VPS13B: variants seen among roughly 807,000 people sequenced by gnomAD.
VPS13B encodes intermembrane lipid transfer protein VPS13B.
A neutral mutation model predicts 426.4 loss-of-function variants in VPS13B; 285 were observed. The ratio of observed to expected loss-of-function variants is 0.67; its 90% CI spans 0.61 to 0.74. VPS13B has a LOEUF of 0.74. VPS13B is among the 30% of genes least tolerant of loss of function. The pLI, the probability that VPS13B is intolerant of heterozygous loss-of-function variation, is 0.00. For synonymous variants in VPS13B, 1,676 were observed against 1,676.4 expected, an observed-to-expected ratio of 1.00 and a Z score of 0.01; for missense variants, 4,537 against 4,782.6, an observed-to-expected ratio of 0.95 and a Z score of 1.51.
rs1459600136 is a variant in VPS13B at position 99,823,935 on chromosome 8, A to G, written c.9287A>G (p.Tyr3096Cys). The G allele has an allele frequency of 1.9e-6, 3 of 1,613,448 alleles. No homozygotes were observed. The highest frequency in any genetic ancestry group is 2.2e-5 in the South Asian group (2 of 91,080). Residue 3096 changes from tyrosine (Y) to cysteine (C), a missense_variant, in exon 51 of 62, where the codon TAT becomes TGT. Physicochemically the swap from Tyr to Cys is radical, Grantham distance 194 (BLOSUM62 -2). Transcript: ENST00000357162. ...IINNTPYQIF[Y>C]KPQLSVCNPH... ...AATAATACACCATATCAAATATTTT[A>G]TAAACCACAGCTATCTGTCTGCAAT...
intron 39 of VPS13B, among the ~76,000 whole-genome samples, chr8:99,761,621 T>C (rs534757318): frequency 6.6e-6 from 1 of 152,350 alleles, no homozygotes; most frequent in South Asian, 2.1e-4. Flanking sequence ...CAGGAGATGA[T>C]GCTGGAAACA....
intron 17 of VPS13B, among the ~76,000 whole-genome samples, chr8:99,260,859 C>A (rs1818004567): frequency 6.6e-6 from 1 of 151,890 alleles, no homozygotes; most frequent in Admixed American, 6.6e-5. Context: ...GTTCTTATTC[C>A]CACATTTGGA....
At chr8:99,060,290 G>A (rs990813226) in intron 3 of VPS13B, among the ~76,000 whole-genome samples, 1 of 152,066 alleles carries the variant, frequency 6.6e-6, no homozygotes, top group African/African-American at 2.4e-5. Context: ...GATATAGTGT[G>A]TTATAAATGT....
chr8:99,017,320 C>G (rs953658599), intron 2 of VPS13B, among the ~76,000 whole-genome samples: 15 of 152,036 alleles, frequency 9.9e-5, no homozygotes, highest in African/African-American at 2.9e-4. Flanking sequence ...TTTCTGAACT[C>G]TTTATTCTAT....
At chr8:99,173,674 G>C (rs1340887416) in intron 16 of VPS13B, among the ~76,000 whole-genome samples, 6 of 152,276 alleles carry the variant, frequency 3.9e-5, no homozygotes, top group Middle Eastern at 3.4e-3. Flanking sequence ...CCTGATAGGT[G>C]TTAGACTGAT....
At chr8:99,303,590 ATG>A (rs1273769810) in intron 19 of VPS13B, among the ~76,000 whole-genome samples, 1 of 151,110 alleles carries the variant, frequency 6.6e-6, no homozygotes, top group Non-Finnish European at 1.5e-5. Flanking sequence ...GCTTTAGAAT[ATG>A]TGTTTCTTCG....
In VPS13B at chr8:99,697,543, C is replaced by G; in HGVS notation, c.6047-1982C>G. 4.2e-6 allele frequency: 3 copies of G among 715,814 alleles called. No homozygotes were observed. In the South Asian group the frequency reaches 4.8e-5, roughly 11 times the overall value. The allele number at this position is 715,814 out of a possible 1,614,324, so 44.3% of individuals were successfully genotyped here. ...AGGAGCTGGAGCTGCTGAAGGAGGA[C>G]GTGCAGGACTACAGCGAGAACATGC... On this transcript the variant is annotated intron_variant, in intron 35 of 61. Transcript: ENST00000357162.
rs1832065893 is a variant in VPS13B at position 99,697,283 on chromosome 8, G to T, written c.6047-2242G>T. 12 of 579,668 alleles carry T rather than the reference G, an allele frequency of 2.1e-5. No homozygotes were observed. The East Asian group carries it at 3.7e-4, about 18-fold the overall frequency. 35.9% of individuals were successfully genotyped at this position (579,668 alleles called of 1,614,324 possible). On this transcript the variant is annotated intron_variant, in intron 35 of 61. Coordinates refer to ENST00000357162, the MANE Select transcript of VPS13B (RefSeq NM_152564.5). ...AGGAGCACCACAAGGAGCTGCAGAA[G>T]CGCTCGGAGTTGGAGAAGGATGTCG...
chr8:99,302,236 CTT>C (rs1283371412), intron 19 of VPS13B, among the ~76,000 whole-genome samples: 1 of 152,182 alleles, frequency 6.6e-6, no homozygotes, highest in Non-Finnish European at 1.5e-5. Context: ...CAGATGAACA[CTT>C]TAGTATTTTG....
At chr8:99,744,373 G>T (rs1039636954) in intron 39 of VPS13B, among the ~76,000 whole-genome samples, 1 of 152,154 alleles carries the variant, frequency 6.6e-6, no homozygotes, top group South Asian at 2.1e-4. Context: ...CTGTTGGTGG[G>T]ACTGTAAACT....
intron 30 of VPS13B, among the ~76,000 whole-genome samples, chr8:99,527,089 C>T (rs1822690110): frequency 1.3e-5 from 2 of 151,496 alleles, no homozygotes; most frequent in African/African-American, 4.9e-5. Flanking sequence ...AATCAAAACA[C>T]TATGAAAGGT....
chr8:99,103,306 A>G (rs533880835), intron 5 of VPS13B, among the ~76,000 whole-genome samples, 186 bp downstream of exon 5: 2 of 152,216 alleles, frequency 1.3e-5, no homozygotes, highest in East Asian at 1.9e-4. Flanking sequence ...AGACACTCCA[A>G]ATTCAGAAAT....
In VPS13B at chr8:99,135,743, T is replaced by C. The variant is rs777964709; in HGVS notation, c.1563+10T>C. On this transcript the variant is annotated intron_variant, in intron 11 of 61. Coordinates refer to ENST00000357162, the MANE Select transcript of VPS13B (RefSeq NM_152564.5). Reference sequence around the variant, plus strand: ...TTCAACTCATCATAAGGTTAGAGAATATATATTTGAACCAAATTCTAGGCT... The same window carrying C: ...TTCAACTCATCATAAGGTTAGAGAACATATATTTGAACCAAATTCTAGGCT... 7.4e-6 allele frequency: 12 copies of C among 1,612,822 alleles called. No homozygotes were observed. The highest frequency in any genetic ancestry group is 7.6e-6 in the Non-Finnish European group (9 of 1,179,224).
At chr8:99,817,400 T>C (rs1198132465) in intron 44 of VPS13B, 140 bp from the exon 45 acceptor site, 13 of 1,157,290 alleles carry the variant, frequency 1.1e-5, no homozygotes, top group Non-Finnish European at 1.6e-5. Context: ...CAAGTCTTTT[T>C]TCCTTCTTGT....
chr8:99,303,097 G>A (rs1820451293), intron 19 of VPS13B, among the ~76,000 whole-genome samples: 1 of 151,598 alleles, frequency 6.6e-6, no homozygotes, highest in Non-Finnish European at 1.5e-5. Context: ...TGGCTAACAC[G>A]GTGAAACCCC....
At chr8:99,202,969 G>T (rs888388375) in intron 17 of VPS13B, among the ~76,000 whole-genome samples, 22 of 151,884 alleles carry the variant, frequency 1.4e-4, no homozygotes, top group Non-Finnish European at 2.8e-4. Context: ...AGGAGGTGGA[G>T]CTTGCAGTGG....
At chr8:99,451,899 T>G (rs991780927) in intron 23 of VPS13B, among the ~76,000 whole-genome samples, 1 of 152,234 alleles carries the variant, frequency 6.6e-6, no homozygotes, top group Non-Finnish European at 1.5e-5. Context: ...TAGACATGTT[T>G]GTACAACACA....
Position 99,627,978 on chromosome 8 carries a change from T to A in VPS13B, c.5221-13833T>A, listed in dbSNP as rs552370168. 9.2e-5 allele frequency among the ~76,000 whole-genome samples: 14 copies of A among 152,290 alleles called. No individual in the cohort carries two copies. In the South Asian group the frequency reaches 2.7e-3, roughly 29 times the overall value. On this transcript the variant is annotated intron_variant, in intron 33 of 61. Coordinates refer to ENST00000357162, the MANE Select transcript of VPS13B (RefSeq NM_152564.5). ...GACGTTCTTTGAAGAAAGTGTACTG[T>A]GGCAGAAAAGTAGTTTGAAAATCTC...
intron 31 of VPS13B, among the ~76,000 whole-genome samples, chr8:99,565,418 T>C (rs1393856875): frequency 6.6e-6 from 1 of 152,086 alleles, no homozygotes; most frequent in Admixed American, 6.5e-5. Context: ...CTATGTTTGC[T>C]TAGCAAGCTG....
Sources: gnomAD v4.1 joint callset for allele counts (sites outside exome capture counted in the v4.1 genomes callset) on GRCh38, gnomAD v4.1.1 for gene constraint, MANE v1.5 for transcripts, NCBI Gene and HGNC (gene_info 2026-07-23, HGNC 2026-07-21) for gene names.